The following CYREN variants were observed in gnomAD, a reference collection of about 807,000 sequenced individuals.
CYREN encodes cell cycle regulator of non-homologous end joining.
Under a neutral mutation model 9.7 loss-of-function variants are expected in CYREN, and 7 were observed. That is an observed-to-expected ratio of 0.72 (90% CI 0.41 to 1.36). CYREN has a LOEUF of 1.36. CYREN is among the 40% of genes most tolerant of loss of function. CYREN has a pLI of 0.01. For synonymous variants in CYREN, 76 were observed against 77.9 expected (o/e 0.98, Z 0.13); for missense variants, 215 against 198.1 (o/e 1.09, Z -0.51).
rs1830127614 is a variant in CYREN, at chr7:135,166,304, G to C, written c.*307C>G. On this transcript the variant is annotated 3_prime_UTR_variant, in exon 4 of 4. Coordinates refer to ENST00000393114, the MANE Select transcript of CYREN (RefSeq NM_024033.4). ...CATGACATCATTTTCCCTGGAACCT[G>C]GTCACTGACTAACACAGACAATTGG... is the stretch of plus-strand genomic sequence containing the variant. The C allele has an allele frequency of 3.6e-6, 1 of 281,172 alleles. No homozygotes were observed. Among genetic ancestry groups the C allele is most frequent in the Non-Finnish European group, 6.6e-6 (1 of 151,148 alleles). 17.4% of individuals were successfully genotyped at this position (281,172 alleles called of 1,614,324 possible).
At chr7:135,132,993 C>A (rs1183878367) in intron 2 of CYREN, among the ~76,000 whole-genome samples, 2 of 151,818 alleles carry the variant, frequency 1.3e-5, no homozygotes, top group Admixed American at 1.3e-4. Context: ...TAAAATGATC[C>A]CTACTGTGAA....
downstream of CYREN, chr7:135,164,885 G>C: frequency 6.2e-7 from 1 of 1,614,242 alleles, no homozygotes; most frequent in South Asian, 1.1e-5. Context: ...CCCTCCCGGG[G>C]CCTGGGTTTC....
chr7:135,163,954 C>T (rs1379025999), downstream of CYREN, among the ~76,000 whole-genome samples: 3 of 152,242 alleles, frequency 2.0e-5, no homozygotes, highest in African/African-American at 7.2e-5. Context: ...GTAGTTCTTA[C>T]AGCTCCCCAG....
chr7:135,111,239 A>G (rs950658004), intron 2 of CYREN, among the ~76,000 whole-genome samples: 6 of 152,178 alleles, frequency 3.9e-5, no homozygotes, highest in Non-Finnish European at 7.3e-5. Flanking sequence ...TCCCATGTCC[A>G]TCAATTTCCT....
At chr7:135,113,616 G>T (rs1271372723) in intron 2 of CYREN, among the ~76,000 whole-genome samples, 2 of 152,014 alleles carry the variant, frequency 1.3e-5, no homozygotes, top group Admixed American at 1.3e-4. Context: ...CTTCCTTCAG[G>T]CTTTACTCAG....
chr7:135,092,486 A>C (rs1821999994), exon 3 of CYREN: 1 of 152,170 alleles, frequency 6.6e-6, no homozygotes, highest in African/African-American at 2.4e-5. Flanking sequence ...TCTTTTAAAA[A>C]TCTGATGTTT....
At chr7:135,171,323 TTTTAAA>T (rs1291059696), upstream of CYREN, among the ~76,000 whole-genome samples, 1 of 13,822 alleles carries the variant, frequency 7.2e-5, no homozygotes, top group Non-Finnish European at 2.5e-3. Context: ...TTTTTTTTTT[TTTTAAA>T]AAAAAAAGGA....
chr7:135,154,926 G>C (rs1829752426), intron 2 of CYREN, among the ~76,000 whole-genome samples: 1 of 152,154 alleles, frequency 6.6e-6, no homozygotes, highest in Admixed American at 6.5e-5. Flanking sequence ...GTCTAGTGTT[G>C]TGAGTGGAGT....
chr7:135,164,767 A>C, downstream of CYREN: 1 of 1,614,164 alleles, frequency 6.2e-7, no homozygotes, highest in Non-Finnish European at 8.5e-7. Context: ...TGCAACAGTG[A>C]TGAGAGAGCG....
At chr7:135,138,455 C>A (rs1411330450) in intron 2 of CYREN, among the ~76,000 whole-genome samples, 1 of 151,760 alleles carries the variant, frequency 6.6e-6, no homozygotes, top group African/African-American at 2.4e-5. Flanking sequence ...ACCAAAGAAG[C>A]AAGTGGTATA....
intron 2 of CYREN, chr7:135,115,621 T>C: frequency 1.3e-6 from 2 of 1,517,758 alleles, no homozygotes; most frequent in Middle Eastern, 1.7e-4. Flanking sequence ...AGTAAGTCAA[T>C]ACAATTTTAT....
Position 135,166,646 on chromosome 7 carries a change from C to T in CYREN, c.439G>A (p.Val147Met). The T allele has an allele frequency of 1.2e-6, 2 of 1,604,744 alleles. No homozygotes were observed. The highest frequency in any genetic ancestry group is 1.7e-6 in the Non-Finnish European group (2 of 1,179,218). The change falls in exon 4 of 4, where the codon GTG (valine) becomes ATG (methionine). Residue 147 changes from valine (V) to methionine (M), a missense_variant. Transcript: ENST00000393114. ...AAGATCTCCCGGACGTATTTCAGCA[C>T]ATCCTCTTCCTCCTCCTCCTCAGGG... ...RSPEEEEEED[V>M]LKYVREIFFS
Position 135,168,093 on chromosome 7 carries a change from C to T in CYREN, c.138-286G>A, listed in dbSNP as rs763520294. ...AGGATGGCCGCCTCTGAAACACACA[C>T]ATGGATGCAAGAGGAAGGGAACCTC... On this transcript the variant is annotated intron_variant, in intron 2 of 3. Coordinates refer to ENST00000393114, the MANE Select transcript of CYREN (RefSeq NM_024033.4). The T allele has an allele frequency of 5.1e-5, 24 of 470,108 alleles. 1 individual carries two copies. The highest frequency in any genetic ancestry group is 4.6e-4 in the South Asian group (20 of 43,922). The allele number at this position is 470,108 out of a possible 1,614,324, so 29.1% of individuals were successfully genotyped here. A position where few individuals can be genotyped will look rare whatever the true frequency, so the allele number is the denominator to read the frequency against.
chr7:135,149,280 C>A (rs1829615072), intron 2 of CYREN, among the ~76,000 whole-genome samples: 2 of 152,106 alleles, frequency 1.3e-5, no homozygotes, highest in Admixed American at 1.3e-4. Context: ...AGAGCTACCA[C>A]AGCTAACATT....
chr7:135,119,081 G>A (rs1474350534), intron 2 of CYREN, among the ~76,000 whole-genome samples: 1 of 152,072 alleles, frequency 6.6e-6, no homozygotes, highest in Non-Finnish European at 1.5e-5. Flanking sequence ...AAGGACAGGA[G>A]AATGAATATA....
chr7:135,141,436 T>A (rs2117396835), intron 2 of CYREN, among the ~76,000 whole-genome samples: 1 of 152,170 alleles, frequency 6.6e-6, no homozygotes, highest in Middle Eastern at 3.4e-3. Context: ...TTTATTTGGA[T>A]CTTCTCTGTT....
chr7:135,101,620 G>T (rs1253709895), intron 2 of CYREN, among the ~76,000 whole-genome samples: 1 of 152,090 alleles, frequency 6.6e-6, no homozygotes, highest in African/African-American at 2.4e-5. Flanking sequence ...TAGACATGGG[G>T]TTTTCAGTTG....
Position 135,166,830 on chromosome 7 carries a change from C to A in CYREN, c.255G>T (p.Ala85=). ...GGGAGTGCTCTGGGTTATCAGCCCCCGCCAGGGCCGGCTGCTCGCAGGCCT... is the reference window on the plus strand; with the variant it reads ...GGGAGTGCTCTGGGTTATCAGCCCCAGCCAGGGCCGGCTGCTCGCAGGCCT... ...QEKACEQPAL[A]GADNPEHSPP... The change falls in exon 4 of 4, where the codon GCG becomes GCT. Residue 85 remains alanine (A), a synonymous_variant. Coordinates refer to ENST00000393114, the MANE Select transcript of CYREN (RefSeq NM_024033.4). 1.2e-6 allele frequency: 2 copies of A among 1,614,158 alleles called. No homozygotes were observed. Among genetic ancestry groups the A allele is most frequent in the Non-Finnish European group, 1.7e-6 (2 of 1,179,990 alleles).
rs1830145678 is a variant in CYREN at position 135,166,517 on chromosome 7, C to A, written c.*94G>T. 1 of 1,503,954 alleles carries A rather than the reference C, an allele frequency of 6.6e-7. No homozygotes were observed. Among genetic ancestry groups the A allele is most frequent in the African/African-American group, 1.4e-5 (1 of 72,056 alleles). 93.2% of individuals were successfully genotyped at this position (1,503,954 alleles called of 1,614,324 possible). A position where few individuals can be genotyped will look rare whatever the true frequency, so the allele number is the denominator to read the frequency against. Reference sequence around the variant, plus strand: ...GCACAAAGGTAGGAGCACAGAGAGCCCCATTCCCACAGGCGGGCGGCCCAG... The same window carrying A: ...GCACAAAGGTAGGAGCACAGAGAGCACCATTCCCACAGGCGGGCGGCCCAG... On this transcript the variant is annotated 3_prime_UTR_variant, in exon 4 of 4. Coordinates refer to ENST00000393114, the MANE Select transcript of CYREN (RefSeq NM_024033.4).
Sources: allele counts gnomAD v4.1 joint callset (sites outside exome capture counted in the v4.1 genomes callset), GRCh38; gene constraint gnomAD v4.1.1; transcripts MANE v1.5; gene names NCBI Gene and HGNC (gene_info 2026-07-23, HGNC 2026-07-21).